Variants in GGNBP2 observed in about 807,000 individuals in gnomAD.
GGNBP2 encodes the protein gametogenetin-binding protein 2.
Under a neutral mutation model 85.9 loss-of-function variants are expected in GGNBP2, and 10 were observed. The observed-to-expected ratio is 0.12, with a 90% confidence interval of 0.07 to 0.20. The LOEUF (loss-of-function observed/expected upper bound fraction) is 0.20, where lower values mean the gene tolerates loss of function less well. Among genes scored for constraint, GGNBP2 ranks in the 10% least tolerant of loss-of-function variants. The pLI is 1.00. For missense variants in GGNBP2, 595 were observed against 857.8 expected, an observed-to-expected ratio of 0.69 and a Z score of 3.83; for synonymous variants, 287 against 285.7, an observed-to-expected ratio of 1.00 and a Z score of -0.05.
chr17:36,567,824 T>G lies in GGNBP2; in HGVS notation c.641+48T>G, dbSNP rs561816815. The G allele has an allele frequency of 1.7e-4, 160 of 965,082 alleles. 1 individual carries two copies. In the African/African-American group the frequency reaches 2.3e-3, roughly 14 times the overall value. The allele number at this position is 965,082 out of a possible 1,614,324, so 59.8% of individuals were successfully genotyped here. ...TATAATGTGGAAGGTGCCTTATGTG[T>G]CAGTCACCTAGAGTGGCCTGTCACT... is the stretch of plus-strand genomic sequence containing the variant. On this transcript the variant is annotated intron_variant, in intron 6 of 13. Coordinates refer to ENST00000613102, the MANE Select transcript of GGNBP2 (RefSeq NM_024835.5).
chr17:36,569,236 A>G (rs1331259522), intron 6 of GGNBP2, among the ~76,000 whole-genome samples: 2 of 151,074 alleles, frequency 1.3e-5, no homozygotes, highest in African/African-American at 4.9e-5. Flanking sequence ...ACGTGGCGAA[A>G]CCCCGTGTCT....
chr17:36,579,393 G>T lies in GGNBP2; in HGVS notation c.994G>T (p.Val332Phe). 1 of 1,614,218 alleles carries T rather than the reference G, an allele frequency of 6.2e-7. No homozygotes were observed. The highest frequency in any genetic ancestry group is 8.5e-7 in the Non-Finnish European group (1 of 1,180,030). The change falls in exon 8 of 14, where the codon GTT (valine) becomes TTT (phenylalanine). Residue 332 changes from valine (V) to phenylalanine (F), a missense_variant. Around this residue, in one of 9 missense-constraint regions of GGNBP2, gnomAD observed 92 missense variants for 183.9 expected, o/e 0.50. Coordinates refer to ENST00000613102, the MANE Select transcript of GGNBP2 (RefSeq NM_024835.5). Reference sequence around the variant, plus strand: ...ATGGCAGATGCTTTTCTATCTTGGTGTTGATGCTTTACGCAAGAGTTTTGA... The same window carrying T: ...ATGGCAGATGCTTTTCTATCTTGGTTTTGATGCTTTACGCAAGAGTTTTGA... ...QTWQMLFYLG[V>F]DALRKSFEMT...
intron 12 of GGNBP2, 160 bp downstream of exon 12, chr17:36,586,358 G>C: frequency 1.3e-6 from 1 of 793,732 alleles, no homozygotes; most frequent in Non-Finnish European, 1.9e-6. Flanking sequence ...GAGAGTGTGG[G>C]TTGGGGGCAG....
intron 5 of GGNBP2, among the ~76,000 whole-genome samples, chr17:36,563,660 G>A (rs2142728278): frequency 6.9e-6 from 1 of 144,558 alleles, no homozygotes; most frequent in South Asian, 2.2e-4. Context: ...TTATGTTCTT[G>A]TAGCCTGAAG....
chr17:36,579,311 T>C lies in GGNBP2; in HGVS notation c.912T>C (p.Ile304=). The C allele has an allele frequency of 6.2e-7, 1 of 1,614,192 alleles. No individual in the cohort carries two copies. The highest frequency in any genetic ancestry group is 8.5e-7 in the Non-Finnish European group (1 of 1,180,012). ...AAGAAGTTCTGACCTGCTTGGGAAT[T>C]CATCTTTATGAAAGACTGCATCGAA... is the stretch of plus-strand genomic sequence containing the variant. ...AQEEVLTCLG[I]HLYERLHRIW... The change falls in exon 8 of 14, where the codon ATT becomes ATC. Residue 304 remains isoleucine, a synonymous_variant. Transcript: ENST00000613102.
intron 6 of GGNBP2, among the ~76,000 whole-genome samples, chr17:36,571,184 A>G (rs2074520504): frequency 6.6e-6 from 1 of 152,264 alleles, no homozygotes; most frequent in South Asian, 2.1e-4. Context: ...TATAATTCCA[A>G]CACTTTGGGA....
intron 3 of GGNBP2, among the ~76,000 whole-genome samples, chr17:36,556,284 C>T (rs547429987): frequency 9.9e-5 from 15 of 152,280 alleles, no homozygotes; most frequent in African/African-American, 3.6e-4. Context: ...CCCATTAATT[C>T]GTAATATACC....
In GGNBP2 at chr17:36,560,823, A is replaced by G. The variant is rs1417603522; in HGVS notation, c.479A>G (p.Lys160Arg). 3 of 1,604,898 alleles carry G rather than the reference A, an allele frequency of 1.9e-6. No individual in the cohort carries two copies. The highest frequency in any genetic ancestry group is 2.7e-5 in the African/African-American group (2 of 74,390). Residue 160 changes from lysine (K) to arginine (R), a missense_variant, in exon 5 of 14, where the codon AAG becomes AGG. Physicochemically the swap from Lys to Arg is conservative, Grantham distance 26. Around this residue, in one of 9 missense-constraint regions of GGNBP2, gnomAD observed 216 missense variants for 293.4 expected, o/e 0.74. Transcript: ENST00000613102. Reference sequence around the variant, plus strand: ...GCTATTCCAAAAAGTAAGAAGAATAAGAGATGTCAGTTGCACTCCTTAGAT... The same window carrying G: ...GCTATTCCAAAAAGTAAGAAGAATAGGAGATGTCAGTTGCACTCCTTAGAT... ...IDAIPKSKKN[K>R]RCQLHSLDTH...
chr17:36,580,325 A>C (rs1383931723), intron 8 of GGNBP2, among the ~76,000 whole-genome samples: 2 of 150,656 alleles, frequency 1.3e-5, no homozygotes, highest in African/African-American at 4.9e-5. Context: ...CTCCTGGCTC[A>C]GCCTCCCGAG....
Position 36,585,316 on chromosome 17 carries a change from A to G in GGNBP2, c.1232A>G (p.Glu411Gly). Residue 411 changes from glutamate (E) to glycine (G), a missense_variant, in exon 10 of 14, where the codon GAA becomes GGA. Transcript: ENST00000613102. ...VSQEKETDFIENSSCKACGST... is the reference protein window; with the variant it reads ...VSQEKETDFIGNSSCKACGST... ...TCCTTAAAGGAAACAGACTTCATAG[A>G]AAATAGCAGCTGCAAAGCCTGTGGC... 6.2e-7 allele frequency: 1 copy of G among 1,612,160 alleles called. No homozygotes were observed. Among genetic ancestry groups the G allele is most frequent in the Non-Finnish European group, 8.5e-7 (1 of 1,179,444 alleles).
At chr17:36,570,546 A>G (rs1386506644) in intron 6 of GGNBP2, among the ~76,000 whole-genome samples, 3 of 152,056 alleles carry the variant, frequency 2.0e-5, no homozygotes, top group African/African-American at 4.8e-5. Context: ...CTAAATATAC[A>G]AAAATTAGCT....
chr17:36,579,950 C>T (rs376488258), intron 8 of GGNBP2, among the ~76,000 whole-genome samples: 12 of 151,982 alleles, frequency 7.9e-5, no homozygotes, highest in Non-Finnish European at 1.3e-4. Context: ...GTGGAGGTTG[C>T]AGTGAGCCAA....
At chr17:36,573,818 T>C (rs973272225) in intron 6 of GGNBP2, among the ~76,000 whole-genome samples, 6 of 152,206 alleles carry the variant, frequency 3.9e-5, no homozygotes, top group African/African-American at 1.4e-4. Context: ...TGGCCATTTG[T>C]ATATAATCTT....
Position 36,567,793 on chromosome 17 carries a change from T to C in GGNBP2, c.641+17T>C, listed in dbSNP as rs2074482920. On this transcript the variant is annotated intron_variant, in intron 6 of 13. Transcript: ENST00000613102. ...AAAACACAGGTAAGTCTGATGGTTG[T>C]TCCAGTATAATGTGGAAGGTGCCTT... 1 of 1,373,192 alleles carries C rather than the reference T, an allele frequency of 7.3e-7. No homozygotes were observed. The highest frequency in any genetic ancestry group is 1.7e-5 in the Admixed American group (1 of 58,972). The allele number at this position is 1,373,192 out of a possible 1,614,324, so 85.1% of individuals were successfully genotyped here.
chr17:36,580,646 A>G (rs1167264524), intron 8 of GGNBP2, among the ~76,000 whole-genome samples: 1 of 151,374 alleles, frequency 6.6e-6, no homozygotes, highest in Non-Finnish European at 1.5e-5. Context: ...TAGGCCAGAT[A>G]TGGTGTCTCA....
chr17:36,583,482 A>G (rs929420372), intron 9 of GGNBP2, among the ~76,000 whole-genome samples: 5 of 152,128 alleles, frequency 3.3e-5, no homozygotes, highest in African/African-American at 1.2e-4. Flanking sequence ...ATTTTGGAGC[A>G]GAGTCTTGCT....
intron 2 of GGNBP2, among the ~76,000 whole-genome samples, chr17:36,547,964 G>T (rs1455600522): frequency 1.3e-5 from 2 of 152,208 alleles, no homozygotes; most frequent in African/African-American, 4.8e-5. Context: ...AGAATGCAGA[G>T]CAAAACACCT....
chr17:36,578,472 G>C (rs2074613405), intron 7 of GGNBP2: 6 of 342,116 alleles, frequency 1.8e-5, no homozygotes, highest in Admixed American at 1.3e-4. Flanking sequence ...ATTTGAAAAT[G>C]ATTAGAAGGG....
At chr17:36,546,839 T>A (rs1567814501) in intron 2 of GGNBP2, 1 of 151,966 alleles carries the variant, frequency 6.6e-6, no homozygotes, top group African/African-American at 2.4e-5. Context: ...TCCTCAATAT[T>A]TTTTTTTGCA....
Sources: allele counts gnomAD v4.1 joint callset (sites outside exome capture counted in the v4.1 genomes callset), GRCh38; gene constraint gnomAD v4.1.1; regional missense constraint gnomAD v4.1.1; transcripts MANE v1.5; gene names NCBI Gene and HGNC (gene_info 2026-07-23, HGNC 2026-07-21).